The following ITGAX variants were observed in gnomAD, a reference collection of about 807,000 sequenced individuals.
The protein encoded by ITGAX is integrin subunit alpha X.
A neutral mutation model predicts 140.2 loss-of-function variants in ITGAX; 99 were observed. That is an observed-to-expected ratio of 0.71 (90% confidence interval 0.60 to 0.83). ITGAX has a LOEUF of 0.83. Among genes scored for constraint, ITGAX ranks in the 40% least tolerant of loss-of-function variants. ITGAX has a pLI of 0.00. For synonymous variants in ITGAX, 631 were observed against 600.4 expected (o/e 1.05, Z -0.75); for missense variants, 1,444 against 1,482.0 (o/e 0.97, Z 0.42).
chr16:31,359,622 G>A, intron 5 of ITGAX, 78 bp from the exon 6 acceptor site: 1 of 1,540,606 alleles, frequency 6.5e-7, no homozygotes. Flanking sequence ...TTGGGAGAGT[G>A]AGCTCTTGTG....
At chr16:31,357,720 GA>G in intron 5 of ITGAX, 1 of 441,666 alleles carries the variant, frequency 2.3e-6, no homozygotes, top group Non-Finnish European at 3.9e-6. Context: ...ATTTTTAGAG[GA>G]GAGGATCTAT....
chr16:31,371,789 G>A lies in ITGAX; in HGVS notation c.2160+5G>A, dbSNP rs1003549103. On this transcript the variant is annotated splice_donor_5th_base_variant and intron_variant, in intron 17 of 29. Coordinates refer to ENST00000268296, the MANE Select transcript of ITGAX (RefSeq NM_000887.5). The stretch of plus-strand genomic sequence containing the variant: ...AACTTCAACCTGCTGCTCCCGGTGC[G>A]TCTGGGCATGAACGTGGGTGGCGGC... 47 of 1,613,466 alleles carry A rather than the reference G, an allele frequency of 2.9e-5. No homozygotes were observed. Among genetic ancestry groups the A allele is most frequent in the East Asian group, 6.7e-5 (3 of 44,886 alleles).
At chr16:31,375,795 A>T (rs1289351548) in intron 20 of ITGAX, among the ~76,000 whole-genome samples, 1 of 152,250 alleles carries the variant, frequency 6.6e-6, no homozygotes, top group East Asian at 1.9e-4. Context: ...AGGAAAGGCC[A>T]TCTCTTGCAT....
At chr16:31,357,170 G>C in intron 4 of ITGAX, 69 bp downstream of exon 4, 1 of 1,558,960 alleles carries the variant, frequency 6.4e-7, no homozygotes, top group Non-Finnish European at 8.7e-7. Context: ...GGGGGGCTGG[G>C]AGTCTCCTGT....
intron 27 of ITGAX, 69 bp from the exon 28 acceptor site, chr16:31,380,454 C>T (rs2081058218): frequency 6.2e-7 from 1 of 1,610,080 alleles, no homozygotes; most frequent in African/African-American, 1.3e-5. Flanking sequence ...ATCTGCAAGC[C>T]AGGGCACCCC....
rs777101734 is a variant in ITGAX, at chr16:31,382,734, G to A, written c.*827G>A. On this transcript the variant is annotated 3_prime_UTR_variant, in exon 30 of 30. Coordinates refer to ENST00000268296, the MANE Select transcript of ITGAX (RefSeq NM_000887.5). ...GCCTCCCGCGTTGGGCAACATTGCT[G>A]GCTGGAAGGGAGGAGCGCCCTCTAG... 6.2e-5 allele frequency: 33 copies of A among 536,174 alleles called. No individual in the cohort carries two copies. The highest frequency in any genetic ancestry group is 9.7e-5 in the Non-Finnish European group (29 of 299,812). The allele number at this position is 536,174 out of a possible 1,614,324, so 33.2% of individuals were successfully genotyped here.
chr16:31,364,879 C>T (rs2080876637), intron 14 of ITGAX, among the ~76,000 whole-genome samples: 1 of 148,316 alleles, frequency 6.7e-6, no homozygotes. Flanking sequence ...ATTAGCTGGG[C>T]ATGGTGGTGG....
chr16:31,356,961 C>T lies in ITGAX; in HGVS notation c.248-70C>T, dbSNP rs374249543. 554 of 1,361,926 alleles carry T rather than the reference C, an allele frequency of 4.1e-4. 7 individuals carry two copies. In the South Asian group the frequency reaches 5.3e-3, roughly 13 times the overall value. The allele number at this position is 1,361,926 out of a possible 1,614,324, so 84.4% of individuals were successfully genotyped here. On this transcript the variant is annotated intron_variant, in intron 3 of 29. Coordinates refer to ENST00000268296, the MANE Select transcript of ITGAX (RefSeq NM_000887.5). ...CTCCTTGTCTCCCAGGTGGAGGTGA[C>T]CCCTGCCCAGCTCTTCCACAGCCTT...
rs750130802 is a variant in ITGAX, at chr16:31,360,027, A to G, written c.669A>G (p.Gln223=). The G allele has an allele frequency of 1.2e-6, 2 of 1,613,296 alleles. No individual in the cohort carries two copies. The highest frequency in any genetic ancestry group is 2.2e-5 in the South Asian group (2 of 91,080). ...TGTTGGCTTCTGTTCACCAGCTGCA[A>G]GGGTTTACATACACGGCCACCGCCA... ...LSLLASVHQL[Q]GFTYTATAIQ... The change falls in exon 7 of 30, where the codon CAA becomes CAG. Residue 223 remains glutamine, a synonymous_variant. Coordinates refer to ENST00000268296, the MANE Select transcript of ITGAX (RefSeq NM_000887.5).
chr16:31,356,292 T>C (rs2080759341), intron 2 of ITGAX: 1 of 429,548 alleles, frequency 2.3e-6, no homozygotes, highest in South Asian at 3.9e-5. Context: ...TTTCTTTTTT[T>C]CTATACATTT....
In ITGAX at chr16:31,382,598, G is replaced by GA; in HGVS notation, c.*693dup. 1 of 718,392 alleles carries GA rather than the reference G, an allele frequency of 1.4e-6. No homozygotes were observed. The highest frequency in any genetic ancestry group is 2.7e-5 in the East Asian group (1 of 37,146). 44.5% of individuals were successfully genotyped at this position (718,392 alleles called of 1,614,324 possible). A position where few individuals can be genotyped will look rare whatever the true frequency, so the allele number is the denominator to read the frequency against. On this transcript the variant is annotated 3_prime_UTR_variant, in exon 30 of 30. Transcript: ENST00000268296. ...TGCCCCCATCACCCTCGTTTCCAGT[G>GA]AATTAGTGTCATGTCAGCATCAGCT...
intron 8 of ITGAX, chr16:31,360,760 G>A (rs11574639): frequency 0.69 from 342,825 of 496,142 alleles, 121,093 homozygotes; most frequent in African/African-American, 0.85. Context: ...AAGCAATTCT[G>A]CCACCTTGGT....
chr16:31,375,290 A>G (rs911899371), intron 20 of ITGAX, among the ~76,000 whole-genome samples: 2 of 152,226 alleles, frequency 1.3e-5, no homozygotes, highest in African/African-American at 2.4e-5. Flanking sequence ...TACTAGGATT[A>G]CAGGCGTAAG....
chr16:31,356,857 T>C (rs7190997), intron 3 of ITGAX, 129 bp downstream of exon 3: 432,843 of 818,280 alleles, frequency 0.53, 117,865 homozygotes, highest in East Asian at 0.76. Context: ...CAGATATGCT[T>C]CCTGGCCCCT....
rs757953328 is a variant in ITGAX at position 31,359,839 on chromosome 16, T to C, written c.561+9T>C. 4.3e-6 allele frequency: 7 copies of C among 1,613,958 alleles called. No individual in the cohort carries two copies. The Admixed American group carries it at 6.7e-5, about 15-fold the overall frequency. ...AGAGACCCAGCACCCAGGTGTGCCT[T>C]TGGGGGAGGGAGGCTGCTGGGGGTG... On this transcript the variant is annotated intron_variant, in intron 6 of 29. Coordinates refer to ENST00000268296, the MANE Select transcript of ITGAX (RefSeq NM_000887.5).
At position 31,355,296 on chromosome 16, in the gene ITGAX, G is replaced by T. The variant is rs1325618658; in HGVS notation, c.37+5G>T. 6.2e-7 allele frequency: 1 copy of T among 1,613,810 alleles called. No individual in the cohort carries two copies. The highest frequency in any genetic ancestry group is 8.5e-7 in the Non-Finnish European group (1 of 1,179,994). Reference sequence around the variant, plus strand: ...CAGCACTCCTCCTGTTCACAGGTGAGCCTGGACCCCAATGAAGTAGGGCTG... The same window carrying T: ...CAGCACTCCTCCTGTTCACAGGTGATCCTGGACCCCAATGAAGTAGGGCTG... On this transcript the variant is annotated splice_donor_5th_base_variant and intron_variant, in intron 1 of 29. Coordinates refer to ENST00000268296, the MANE Select transcript of ITGAX (RefSeq NM_000887.5).
chr16:31,369,070 G>C (rs1055545406), intron 14 of ITGAX, among the ~76,000 whole-genome samples: 2 of 151,824 alleles, frequency 1.3e-5, no homozygotes, highest in East Asian at 1.9e-4. Context: ...CCCCCCTTTC[G>C]ATTCCACAAA....
rs199701501 is a variant in ITGAX at position 31,380,114 on chromosome 16, A to G, written c.3060+49A>G. On this transcript the variant is annotated intron_variant, in intron 26 of 29. Transcript: ENST00000268296. ...CTCACTGTAGGCCCCACATCAGAGG[A>G]ATTTAACCCAGGAGTTCATGTTCCA... 6,377 of 1,582,460 alleles carry G rather than the reference A, an allele frequency of 4.0e-3. 21 individuals carry two copies. The highest frequency in any genetic ancestry group is 4.6e-3 in the Non-Finnish European group (5,284 of 1,151,928).
At chr16:31,379,956 C>T (rs1249176187) in intron 25 of ITGAX, 26 bp from the exon 26 acceptor site, 2 of 1,608,960 alleles carry the variant, frequency 1.2e-6, no homozygotes, top group Non-Finnish European at 1.7e-6. Flanking sequence ...CCAGCTGAGA[C>T]ACTTGTTCTC....
Sources: gnomAD v4.1 joint callset for allele counts (sites outside exome capture counted in the v4.1 genomes callset) on GRCh38, gnomAD v4.1.1 for gene constraint, MANE v1.5 for transcripts, NCBI Gene and HGNC (gene_info 2026-07-23, HGNC 2026-07-21) for gene names.